The following SMAP2 variants were observed in gnomAD, a reference collection of about 807,000 sequenced individuals.
SMAP2 encodes the protein stromal membrane-associated protein 2.
A neutral mutation model predicts 56.4 loss-of-function variants in SMAP2; 25 were observed. The ratio of observed to expected loss-of-function variants is 0.44; its 90% CI spans 0.32 to 0.62. The LOEUF (loss-of-function observed/expected upper bound fraction) is 0.62, where lower values mean the gene tolerates loss of function less well. SMAP2 is among the 20% of genes least tolerant of loss of function. The pLI, the probability that SMAP2 is intolerant of heterozygous loss-of-function variation, is 0.04. For missense variants in SMAP2, 388 were observed against 545.6 expected, an observed-to-expected ratio of 0.71 and a Z score of 2.88; for synonymous variants, 157 against 181.7, an observed-to-expected ratio of 0.86 and a Z score of 1.09.
rs1644750968 is a variant in SMAP2, at chr1:40,394,541, A to G, written c.104-12195A>G. Among the ~76,000 whole-genome samples, 3 of 152,244 alleles carry G rather than the reference A, an allele frequency of 2.0e-5. No individual in the cohort carries two copies. The South Asian group carries it at 6.2e-4, about 32-fold the overall frequency. ...CTCACTGACTTTACAAGGTTCTTCA[A>G]TACTGGCAGAAAATCTCTTGGCTAG... On this transcript the variant is annotated intron_variant, in intron 1 of 9. Transcript: ENST00000372718.
chr1:40,422,197 CTGTT>C lies in SMAP2; in HGVS notation c.*99_*102del, dbSNP rs1645050558. On this transcript the variant is annotated 3_prime_UTR_variant, in exon 10 of 10. Coordinates refer to ENST00000372718, the MANE Select transcript of SMAP2 (RefSeq NM_022733.3). ...ACCCCCATCCTCTTTTCCTACCTCT[CTGTT>C]TGGTTTAGAAATTGCTCAATAAGTC... The C allele has an allele frequency of 9.9e-6, 15 of 1,513,682 alleles. No homozygotes were observed. The highest frequency in any genetic ancestry group is 2.0e-5 in the Admixed American group (1 of 50,546). 93.8% of individuals were successfully genotyped at this position (1,513,682 alleles called of 1,614,324 possible).
Position 40,363,936 on chromosome 1 carries a change from A to G in SMAP2, c.55+1500A>G, listed in dbSNP as rs76869891. ...TAGCCAGAGGGGAATCACGAAGCTC[A>G]CTAAGCTTAGTCTCACCAAGCTCAT... On this transcript the variant is annotated intron_variant, in intron 2 of 6. Transcript: ENST00000435168. Among the ~76,000 whole-genome samples, 1,370 of 152,340 alleles carry G rather than the reference A, an allele frequency of 9.0e-3. 18 individuals are homozygous for G. Among genetic ancestry groups the G allele is most frequent in the African/African-American group, 0.031 (1,304 of 41,584 alleles).
chr1:40,390,480 ATCT>A (rs1644705275), intron 1 of SMAP2, among the ~76,000 whole-genome samples: 1 of 152,234 alleles, frequency 6.6e-6, no homozygotes, highest in Non-Finnish European at 1.5e-5. Context: ...ATTGAAAAAC[ATCT>A]TCTGCCTGGC....
At chr1:40,355,390 T>C (rs1168335562) in intron 1 of SMAP2, among the ~76,000 whole-genome samples, 1 of 152,192 alleles carries the variant, frequency 6.6e-6, no homozygotes, top group Non-Finnish European at 1.5e-5. Context: ...TATGTATTTA[T>C]AATTGCTTAT....
At chr1:40,359,985 T>C (rs557342831) in intron 1 of SMAP2, among the ~76,000 whole-genome samples, 5 of 149,566 alleles carry the variant, frequency 3.3e-5, no homozygotes, top group Non-Finnish European at 7.4e-5. Context: ...AAAGACAGAC[T>C]TTTTTCTTCT....
In SMAP2 at chr1:40,386,812, G is replaced by A. The variant is rs1644660716; in HGVS notation, c.103+12589G>A. On this transcript the variant is annotated intron_variant, in intron 1 of 9. Transcript: ENST00000372718. This position sits in a 1 kb window ranked among gnomAD's most constrained non-coding sequence, Gnocchi z 4.1. ...TATCCACGATAAAAATCATTGGAAA[G>A]TATGAAAAATATAATGATGCTGAAG... 6.7e-6 allele frequency among the ~76,000 whole-genome samples: 1 copy of A among 149,234 alleles called. No individual in the cohort carries two copies. The highest frequency in any genetic ancestry group is 2.5e-5 in the African/African-American group (1 of 40,622).
intron 2 of SMAP2, among the ~76,000 whole-genome samples, chr1:40,364,297 G>GA (rs756863961): frequency 5.3e-5 from 8 of 151,662 alleles, no homozygotes; most frequent in Non-Finnish European, 1.0e-4. Flanking sequence ...CTGATTTAAA[G>GA]AAAAAAAAGA....
At chr1:40,419,163 G>A (rs1001784894) in intron 9 of SMAP2, among the ~76,000 whole-genome samples, 3 of 151,992 alleles carry the variant, frequency 2.0e-5, no homozygotes, top group African/African-American at 7.2e-5. Context: ...ACCAAATCAC[G>A]GAAGCTTGAA....
chr1:40,347,266 TTTA>T (rs1644393063), intron 1 of SMAP2, among the ~76,000 whole-genome samples: 1 of 148,282 alleles, frequency 6.7e-6, no homozygotes, highest in Admixed American at 6.7e-5. Flanking sequence ...TTTTTTTTTT[TTTA>T]AAGCAAAGAT....
Position 40,374,037 on chromosome 1 carries a change from G to A in SMAP2, c.-84G>A. ...AGGAGGTGCCCCTGGGCGGGGGACC[G>A]GGAGTCCTCAACCCCGGACTGAGGC... On this transcript the variant is annotated 5_prime_UTR_variant, in exon 1 of 10. Coordinates refer to ENST00000372718, the MANE Select transcript of SMAP2 (RefSeq NM_022733.3). This position sits in a 1 kb window ranked among gnomAD's most constrained non-coding sequence, Gnocchi z 5.9. 2 of 1,045,640 alleles carry A rather than the reference G, an allele frequency of 1.9e-6. No homozygotes were observed. Among genetic ancestry groups the A allele is most frequent in the Non-Finnish European group, 2.9e-6 (2 of 690,992 alleles). The allele number at this position is 1,045,640 out of a possible 1,614,324, so 64.8% of individuals were successfully genotyped here. A position where few individuals can be genotyped will look rare whatever the true frequency, so the allele number is the denominator to read the frequency against.
chr1:40,373,370 G>A (rs190050211), upstream of SMAP2, among the ~76,000 whole-genome samples: 196 of 152,306 alleles, frequency 1.3e-3, no homozygotes, highest in African/African-American at 4.6e-3. Flanking sequence ...GGTTACATAA[G>A]GATGATCATA....
chr1:40,347,581 C>T (rs1447651265), intron 1 of SMAP2, among the ~76,000 whole-genome samples: 3 of 151,992 alleles, frequency 2.0e-5, no homozygotes, highest in Admixed American at 6.6e-5. Flanking sequence ...CAGCTCACTG[C>T]AACCTCCACC....
chr1:40,347,645 G>C (rs990876919), intron 1 of SMAP2, among the ~76,000 whole-genome samples: 2 of 152,180 alleles, frequency 1.3e-5, no homozygotes, highest in Non-Finnish European at 2.9e-5. Flanking sequence ...TGGGATTACA[G>C]GCATGAGCCA....
intron 1 of SMAP2, among the ~76,000 whole-genome samples, chr1:40,403,243 C>G (rs371667572): frequency 6.6e-6 from 1 of 152,210 alleles, no homozygotes; most frequent in South Asian, 2.1e-4. Context: ...CGGTGGCTCA[C>G]GCCTGTAATC....
chr1:40,352,917 T>C (rs1477533601), intron 1 of SMAP2, among the ~76,000 whole-genome samples: 1 of 152,204 alleles, frequency 6.6e-6, no homozygotes, highest in Non-Finnish European at 1.5e-5. Context: ...AACAATGAAA[T>C]TTTTATGTCT....
intron 9 of SMAP2, among the ~76,000 whole-genome samples, chr1:40,418,880 C>A (rs537136226): frequency 6.6e-6 from 1 of 152,174 alleles, no homozygotes; most frequent in Non-Finnish European, 1.5e-5. Context: ...ATCACACTTA[C>A]AAGACTTTCC....
At chr1:40,403,455 A>G (rs921962299) in intron 1 of SMAP2, among the ~76,000 whole-genome samples, 3 of 152,166 alleles carry the variant, frequency 2.0e-5, no homozygotes, top group African/African-American at 7.2e-5. Flanking sequence ...CAGTGAGCCA[A>G]AATCACGCCG....
chr1:40,421,869 G>A, intron 9 of SMAP2, 107 bp from the exon 10 acceptor site: 1 of 1,316,192 alleles, frequency 7.6e-7, no homozygotes, highest in Non-Finnish European at 1.1e-6. Flanking sequence ...GTTTCCCTTT[G>A]TCTCATTCTC....
At chr1:40,391,368 A>G (rs578071435) in intron 1 of SMAP2, among the ~76,000 whole-genome samples, 2 of 152,272 alleles carry the variant, frequency 1.3e-5, no homozygotes, top group South Asian at 2.1e-4. Context: ...CAAGTTTTCA[A>G]ATGTTGAGTC....
Sources: allele counts gnomAD v4.1 joint callset (sites outside exome capture counted in the v4.1 genomes callset), GRCh38; gene constraint gnomAD v4.1.1; non-coding constraint Gnocchi (gnomAD v3.1); transcripts MANE v1.5; gene names NCBI Gene and HGNC (gene_info 2026-07-23, HGNC 2026-07-21).